HCN4: variants seen among roughly 807,000 people sequenced by gnomAD.
HCN4 encodes hyperpolarization activated cyclic nucleotide gated potassium channel 4.
Under a neutral mutation model 76.9 loss-of-function variants are expected in HCN4, and 29 were observed. The ratio of observed to expected loss-of-function variants is 0.38; its 90% CI spans 0.28 to 0.51. The LOEUF (loss-of-function observed/expected upper bound fraction) is 0.51, where lower values mean the gene tolerates loss of function less well. Ranked by LOEUF, HCN4 falls within the 20% of genes least tolerant of loss-of-function variation. The pLI is 0.90. For missense variants in HCN4, 1,416 were observed against 1,715.2 expected (o/e 0.83, Z 3.08); for synonymous variants, 772 against 762.5 (o/e 1.01, Z -0.21).
At chr15:73,345,306 CAG>C (rs1264751699) in intron 1 of HCN4, among the ~76,000 whole-genome samples, 2 of 152,154 alleles carry the variant, frequency 1.3e-5, no homozygotes, top group African/African-American at 2.4e-5. Context: ...GGGCAGTTTC[CAG>C]AGAGTCAGCT....
chr15:73,359,757 C>T (rs1325589994), intron 1 of HCN4, among the ~76,000 whole-genome samples: 1 of 152,190 alleles, frequency 6.6e-6, no homozygotes, highest in African/African-American at 2.4e-5. Context: ...ATTCTGGTCA[C>T]ACACTGAGTC....
At chr15:73,365,320 A>G (rs1178793337) in intron 1 of HCN4, among the ~76,000 whole-genome samples, 1 of 152,180 alleles carries the variant, frequency 6.6e-6, no homozygotes, top group Non-Finnish European at 1.5e-5. Context: ...CACCCCACCC[A>G]GCTCCAGACA....
chr15:73,362,674 G>A (rs1567798387), intron 1 of HCN4, among the ~76,000 whole-genome samples: 1 of 152,192 alleles, frequency 6.6e-6, no homozygotes, highest in African/African-American at 2.4e-5. Flanking sequence ...AGAGAAGGGT[G>A]GATGGACAGG....
intron 1 of HCN4, among the ~76,000 whole-genome samples, chr15:73,360,515 A>G (rs2043100439): frequency 6.6e-6 from 1 of 152,174 alleles, no homozygotes; most frequent in South Asian, 2.1e-4. Flanking sequence ...AATTCTCAGG[A>G]GAATGTTTTC....
At position 73,367,560 on chromosome 15, in the gene HCN4, C is replaced by T; in HGVS notation, c.711G>A (p.Gln237=). 1 of 1,614,072 alleles carries T rather than the reference C, an allele frequency of 6.2e-7. No individual in the cohort carries two copies. Among genetic ancestry groups the T allele is most frequent in the Non-Finnish European group, 8.5e-7 (1 of 1,180,022 alleles). The change falls in exon 1 of 8, where the codon CAG becomes CAA. Residue 237 remains glutamine (Q), a synonymous_variant. Transcript: ENST00000261917. The surrounding 1 kb of genome is among the most constrained non-coding windows in gnomAD (Gnocchi z 7.5). ...TCTCCTGTTCGCGCTCCACGGCTTT[C>T]TGGCTGCCGAACATCCTTAGGGAGA... ...NKFSLRMFGS[Q]KAVEREQERV...
At chr15:73,353,292 C>A (rs1047483792) in intron 1 of HCN4, among the ~76,000 whole-genome samples, 3 of 152,184 alleles carry the variant, frequency 2.0e-5, no homozygotes, top group Non-Finnish European at 4.4e-5. Context: ...GTAAGGGGTC[C>A]TCTAACATGT....
chr15:73,333,250 G>A (rs2042943184), intron 2 of HCN4, among the ~76,000 whole-genome samples: 1 of 152,158 alleles, frequency 6.6e-6, no homozygotes, highest in African/African-American at 2.4e-5. Context: ...ATGGAGAGGT[G>A]GAGGCAAGTC....
chr15:73,345,268 G>A lies in HCN4; in HGVS notation c.786-1460C>T, dbSNP rs562681842. Among the ~76,000 whole-genome samples the A allele has an allele frequency of 3.9e-5, 6 of 152,282 alleles. No individual in the cohort carries two copies. In the South Asian group the frequency reaches 1.2e-3, roughly 32 times the overall value. On this transcript the variant is annotated intron_variant, in intron 1 of 7. Coordinates refer to ENST00000261917, the MANE Select transcript of HCN4 (RefSeq NM_005477.3). The stretch of plus-strand genomic sequence containing the variant: ...TGTTTTGCTGAAGGTGGGTGAGATG[G>A]CTGTCCTACATCACACTGTGTGGCA...
intron 1 of HCN4, among the ~76,000 whole-genome samples, chr15:73,345,273 C>T (rs1162949865): frequency 6.6e-6 from 1 of 152,104 alleles, no homozygotes; most frequent in Non-Finnish European, 1.5e-5. Flanking sequence ...AGATGGCTGT[C>T]CTACATCACA....
chr15:73,346,934 GC>G (rs1326805644), intron 1 of HCN4, among the ~76,000 whole-genome samples: 1 of 152,128 alleles, frequency 6.6e-6, no homozygotes, highest in Non-Finnish European at 1.5e-5. Context: ...CAGCACACCT[GC>G]CAGCCCCGTT....
At chr15:73,329,548 G>A (rs772234160) in intron 4 of HCN4, 25 bp downstream of exon 4, 15 of 1,608,676 alleles carry the variant, frequency 9.3e-6, no homozygotes, top group African/African-American at 1.3e-5. Flanking sequence ...GGACCAATGT[G>A]CGGGTGCTCC....
At chr15:73,361,199 C>T (rs74738168) in intron 1 of HCN4, among the ~76,000 whole-genome samples, 3,437 of 152,290 alleles carry the variant, frequency 0.023, 117 homozygotes, top group African/African-American at 0.077. Flanking sequence ...AAGTACTGCC[C>T]AGTCTTATCT....
chr15:73,324,016 T>A lies in HCN4; in HGVS notation c.2144-67A>T, dbSNP rs1176212970. On this transcript the variant is annotated intron_variant, in intron 7 of 7. Coordinates refer to ENST00000261917, the MANE Select transcript of HCN4 (RefSeq NM_005477.3). ...GAAGGAGATCAGGTGCAGACCTGGC[T>A]TAGGCATAAAGGAGCCCTGCCCTCC... 3.7e-6 allele frequency: 6 copies of A among 1,612,206 alleles called. No individual in the cohort carries two copies. The East Asian group carries it at 1.3e-4, about 36-fold the overall frequency.
Position 73,325,267 on chromosome 15 carries a change from C to T in HCN4, c.1737+31G>A. The T allele has an allele frequency of 1.2e-6, 2 of 1,614,024 alleles. No individual in the cohort carries two copies. The highest frequency in any genetic ancestry group is 2.2e-5 in the East Asian group (1 of 44,850). ...AGCTGGCTGCCAGGAAGGCCTGGCT[C>T]CCCTCCACGCCGGGCCGCCACACAG... On this transcript the variant is annotated intron_variant, in intron 5 of 7. Transcript: ENST00000261917. This position sits in a 1 kb window ranked among gnomAD's most constrained non-coding sequence, Gnocchi z 7.4.
At position 73,324,190 on chromosome 15, in the gene HCN4, A is replaced by AG; in HGVS notation, c.2041dup (p.Leu681ProfsTer11). 6.2e-7 allele frequency: 1 copy of AG among 1,614,088 alleles called. No homozygotes were observed. The highest frequency in any genetic ancestry group is 8.5e-7 in the Non-Finnish European group (1 of 1,179,984). On this transcript the variant is annotated frameshift_variant, in exon 7 of 8. Coordinates refer to ENST00000261917, the MANE Select transcript of HCN4 (RefSeq NM_005477.3). LOFTEE classifies it high-confidence loss of function. ...GAAGTTGTCCACGCTCAGCGAGTAG[A>AG]GGCGGCAGTAGGTGTCGGCCCTCAC...
Position 73,338,138 on chromosome 15 carries a change from G to A in HCN4, c.1209+5247C>T, listed in dbSNP as rs75950477. ...CTCCAGCACCTGGGAAGTGGTTGCC[G>A]AGAACAAGGCTGGACGTTGCTGGGA... On this transcript the variant is annotated intron_variant, in intron 2 of 7. Transcript: ENST00000261917. 1.2e-3 allele frequency among the ~76,000 whole-genome samples: 186 copies of A among 152,316 alleles called. 1 individual carries two copies. The highest frequency in any genetic ancestry group is 3.7e-3 in the African/African-American group (155 of 41,568).
Position 73,343,818 on chromosome 15 carries a change from G to A in HCN4, c.786-10C>T, listed in dbSNP as rs781732180. The A allele has an allele frequency of 1.9e-6, 3 of 1,613,610 alleles. No individual in the cohort carries two copies. The highest frequency in any genetic ancestry group is 2.5e-6 in the Non-Finnish European group (3 of 1,179,968). ...CAGGTCCCAGTAAAATCTGCCCAGA[G>A]ACACAGGGGTCAGTCGCCAGGAAGA... On this transcript the variant is annotated splice_polypyrimidine_tract_variant and intron_variant, in intron 1 of 7. Coordinates refer to ENST00000261917, the MANE Select transcript of HCN4 (RefSeq NM_005477.3). This position sits in a 1 kb window ranked among gnomAD's most constrained non-coding sequence, Gnocchi z 5.7.
At chr15:73,352,243 T>C (rs1170639843) in intron 1 of HCN4, among the ~76,000 whole-genome samples, 2 of 148,784 alleles carry the variant, frequency 1.3e-5, no homozygotes, top group Admixed American at 6.6e-5. Flanking sequence ...GTGCATGCCA[T>C]GCATGCCTCA....
In HCN4 at chr15:73,368,015, T is replaced by C; in HGVS notation, c.256A>G (p.Lys86Glu). 1 of 1,419,424 alleles carries C rather than the reference T, an allele frequency of 7.0e-7. No individual in the cohort carries two copies. The highest frequency in any genetic ancestry group is 9.1e-7 in the Non-Finnish European group (1 of 1,093,704). The allele number at this position is 1,419,424 out of a possible 1,614,324, so 87.9% of individuals were successfully genotyped here. The change falls in exon 1 of 8, where the codon AAG becomes GAG. Residue 86 changes from lysine (K) to glutamate (E), a missense_variant. Lys to Glu is a moderately conservative substitution (Grantham distance 56). Around this residue, in one of 6 missense-constraint regions of HCN4, gnomAD observed 355 missense variants for 347.8 expected, o/e 1.02. Coordinates refer to ENST00000261917, the MANE Select transcript of HCN4 (RefSeq NM_005477.3). The surrounding 1 kb of genome is among the most constrained non-coding windows in gnomAD (Gnocchi z 6.9). ...DSEGPARGAG[K>E]SSTNGDCRRF... is the part of the protein sequence containing the mutation. ...CTGCAGTCGCCGTTCGTGCTGGACT[T>C]GCCCGCGCCGCGGGCCGGCCCTTCG... is the stretch of plus-strand genomic sequence containing the variant.
Sources: allele counts gnomAD v4.1 joint callset (sites outside exome capture counted in the v4.1 genomes callset), GRCh38; gene constraint gnomAD v4.1.1; regional missense constraint gnomAD v4.1.1; non-coding constraint Gnocchi (gnomAD v3.1); transcripts MANE v1.5; gene names NCBI Gene and HGNC (gene_info 2026-07-23, HGNC 2026-07-21).